PPFIBP1: variants seen among roughly 807,000 people sequenced by gnomAD.
The protein encoded by PPFIBP1 is PPFIB scaffold protein 1, also known as liprin-beta-1.
A neutral mutation model predicts 137.8 loss-of-function variants in PPFIBP1; 112 were observed. The ratio of observed to expected loss-of-function variants is 0.81; its 90% CI spans 0.70 to 0.95. The LOEUF (loss-of-function observed/expected upper bound fraction) is 0.95, where lower values mean the gene tolerates loss of function less well. Ranked by LOEUF, PPFIBP1 falls within the 40% of genes least tolerant of loss-of-function variation. The pLI, the probability that PPFIBP1 is intolerant of heterozygous loss-of-function variation, is 0.00. For missense variants in PPFIBP1, 1,083 were observed against 1,196.6 expected (o/e 0.91, Z 1.40); for synonymous variants, 378 against 417.3 (o/e 0.91, Z 1.15).
At chr12:27,680,827 A>T (rs937951683) in intron 21 of PPFIBP1, among the ~76,000 whole-genome samples, 1 of 152,242 alleles carries the variant, frequency 6.6e-6, no homozygotes, top group Non-Finnish European at 1.5e-5. Context: ...TTTTAACAGT[A>T]TAATAGACTG....
intron 2 of PPFIBP1, among the ~76,000 whole-genome samples, chr12:27,598,797 T>C (rs2053625463): frequency 6.6e-6 from 1 of 152,210 alleles, no homozygotes; most frequent in African/African-American, 2.4e-5. Flanking sequence ...TTGGGGGTCC[T>C]CATTAACAAT....
intron 28 of PPFIBP1, 145 bp downstream of exon 28, chr12:27,692,073 T>A: frequency 2.9e-6 from 2 of 683,364 alleles, no homozygotes; most frequent in Non-Finnish European, 4.7e-6. Flanking sequence ...AGAGATCACT[T>A]ATATCTTCCA....
chr12:27,553,233 A>C (rs1946959421), intron 1 of PPFIBP1, among the ~76,000 whole-genome samples: 1 of 152,178 alleles, frequency 6.6e-6, no homozygotes, highest in South Asian at 2.1e-4. Flanking sequence ...ACATGAAGAG[A>C]GTGAAACTAC....
intron 2 of PPFIBP1, among the ~76,000 whole-genome samples, chr12:27,600,283 G>T (rs1270884302): frequency 6.6e-6 from 1 of 151,908 alleles, no homozygotes; most frequent in East Asian, 1.9e-4. Context: ...TAAAATACAA[G>T]AAATTAGCCG....
intron 11 of PPFIBP1, among the ~76,000 whole-genome samples, chr12:27,662,239 T>A (rs1252910771): frequency 1.3e-5 from 2 of 152,082 alleles, no homozygotes; most frequent in Non-Finnish European, 2.9e-5. Flanking sequence ...CGAGACCAGG[T>A]TTGAAACAGC....
At chr12:27,530,799 T>C (rs1944332733) in intron 1 of PPFIBP1, among the ~76,000 whole-genome samples, 1 of 152,224 alleles carries the variant, frequency 6.6e-6, no homozygotes, top group African/African-American at 2.4e-5. Flanking sequence ...CTCTGTGAGC[T>C]TGCCTGTTAA....
At chr12:27,638,690 T>C (rs776751413) in intron 4 of PPFIBP1, among the ~76,000 whole-genome samples, 9 of 151,842 alleles carry the variant, frequency 5.9e-5, no homozygotes, top group Admixed American at 5.9e-4. Flanking sequence ...AGGGAAGGAG[T>C]TGGGTCCAGT....
intron 15 of PPFIBP1, 40 bp downstream of exon 15, chr12:27,672,523 G>C: frequency 1.4e-6 from 2 of 1,458,504 alleles, no homozygotes; most frequent in South Asian, 1.2e-5. Flanking sequence ...TGTGATTGAG[G>C]CTAGAGAAAG....
Position 27,682,367 on chromosome 12 carries a change from G to C in PPFIBP1, c.2047-20G>C, listed in dbSNP as rs1420707774. ...CAGCCTATACAGATAGAATTATAAA[G>C]TCAATGTTTATTGTTTCAGGAACTT... is the stretch of plus-strand genomic sequence containing the variant. On this transcript the variant is annotated intron_variant, in intron 22 of 29. Coordinates refer to ENST00000228425, the MANE Select transcript of PPFIBP1 (RefSeq NM_003622.4). 1.3e-6 allele frequency: 2 copies of C among 1,549,640 alleles called. No homozygotes were observed. The highest frequency in any genetic ancestry group is 8.9e-7 in the Non-Finnish European group (1 of 1,122,202).
At chr12:27,645,243 T>G (rs1336766626) in intron 4 of PPFIBP1, among the ~76,000 whole-genome samples, 1 of 152,222 alleles carries the variant, frequency 6.6e-6, no homozygotes, top group African/African-American at 2.4e-5. Context: ...TATGTTGAGA[T>G]TATGAGAGAC....
chr12:27,592,428 T>G, intron 2 of PPFIBP1: 1 of 768,698 alleles, frequency 1.3e-6, no homozygotes, highest in Non-Finnish European at 2.1e-6. Context: ...ATGGATTATT[T>G]TCAACTTTCC....
chr12:27,618,424 C>G (rs1289270616), intron 2 of PPFIBP1, among the ~76,000 whole-genome samples: 1 of 152,188 alleles, frequency 6.6e-6, no homozygotes, highest in East Asian at 1.9e-4. Context: ...ACAATCTATT[C>G]TCTGAAGCTT....
chr12:27,569,311 T>C (rs1431240074), intron 1 of PPFIBP1, among the ~76,000 whole-genome samples: 4 of 152,232 alleles, frequency 2.6e-5, no homozygotes, highest in Non-Finnish European at 5.9e-5. Flanking sequence ...TGCACTGATA[T>C]ATTAAATACT....
In PPFIBP1 at chr12:27,607,801, C is replaced by T. The variant is rs529688592; in HGVS notation, c.-35-25561C>T. Among the ~76,000 whole-genome samples the T allele has an allele frequency of 3.9e-5, 6 of 152,222 alleles. No homozygotes were observed. In the East Asian group the frequency reaches 5.8e-4, roughly 15 times the overall value. On this transcript the variant is annotated intron_variant, in intron 2 of 29. Coordinates refer to ENST00000228425, the MANE Select transcript of PPFIBP1 (RefSeq NM_003622.4). ...CCCACTCATAGGCTATGTTCCTCCC[C>T]GCTTTTTTTTCCTTCTATGACTTTT...
At position 27,621,043 on chromosome 12, in the gene PPFIBP1, A is replaced by G. The variant is rs553810258; in HGVS notation, c.-35-12319A>G. 3.3e-5 allele frequency among the ~76,000 whole-genome samples: 5 copies of G among 152,314 alleles called. No homozygotes were observed. The South Asian group carries it at 1.0e-3, about 32-fold the overall frequency. The stretch of plus-strand genomic sequence containing the variant: ...CCTGATATGCAGTAGGTACTTAATA[A>G]ATATTGTGTAATCAATGGGTGAATG... On this transcript the variant is annotated intron_variant, in intron 2 of 29. Coordinates refer to ENST00000228425, the MANE Select transcript of PPFIBP1 (RefSeq NM_003622.4).
intron 23 of PPFIBP1, 33 bp downstream of exon 23, chr12:27,682,531 A>G (rs776209862): frequency 6.2e-6 from 10 of 1,603,738 alleles, no homozygotes; most frequent in Non-Finnish European, 8.5e-6. Flanking sequence ...AAATGAAATA[A>G]TTATATACAT....
At chr12:27,687,549 G>C (rs2061275230) in intron 25 of PPFIBP1, 42 bp downstream of exon 25, 1 of 1,603,256 alleles carries the variant, frequency 6.2e-7, no homozygotes, top group Non-Finnish European at 8.5e-7. Context: ...GCACTTCCCA[G>C]GCATGGGACT....
At chr12:27,638,429 A>C (rs1201121610) in intron 4 of PPFIBP1, among the ~76,000 whole-genome samples, 1 of 152,200 alleles carries the variant, frequency 6.6e-6, no homozygotes, top group Non-Finnish European at 1.5e-5. Context: ...GCAGACCTGA[A>C]TTTTAATGTT....
At chr12:27,692,493 C>G in intron 28 of PPFIBP1, 98 bp from the exon 29 acceptor site, 1 of 1,079,522 alleles carries the variant, frequency 9.3e-7, no homozygotes, top group Non-Finnish European at 1.4e-6. Context: ...CCATTCAGTG[C>G]TATTTGCATT....
Sources: allele counts gnomAD v4.1 joint callset (sites outside exome capture counted in the v4.1 genomes callset), GRCh38; gene constraint gnomAD v4.1.1; transcripts MANE v1.5; gene names NCBI Gene and HGNC (gene_info 2026-07-23, HGNC 2026-07-21).